Variants in MGMT observed in about 807,000 individuals in gnomAD.
MGMT encodes the protein O-6-methylguanine-DNA methyltransferase.
In MGMT, 14 loss-of-function variants were observed where a neutral mutation model predicts 15.9. The observed-to-expected ratio is 0.88, with a 90% CI of 0.58 to 1.37. The LOEUF (loss-of-function observed/expected upper bound fraction) is 1.37, where lower values mean the gene tolerates loss of function less well. Ranked by LOEUF, MGMT falls within the 40% of genes most tolerant of loss-of-function variation. The pLI is 0.00. For synonymous variants in MGMT, 130 were observed against 118.2 expected (o/e 1.10, Z -0.65); for missense variants, 282 against 268.1 (o/e 1.05, Z -0.36).
At chr10:129,499,485 G>T (rs1264211302) in intron 1 of MGMT, among the ~76,000 whole-genome samples, 2 of 152,174 alleles carry the variant, frequency 1.3e-5, no homozygotes, top group East Asian at 3.9e-4. Flanking sequence ...GTTATGTGAA[G>T]AATAACAATT....
chr10:129,473,797 A>G (rs1242607013), intron 1 of MGMT, among the ~76,000 whole-genome samples: 3 of 152,228 alleles, frequency 2.0e-5, no homozygotes, highest in Non-Finnish European at 4.4e-5. Context: ...GGCTGGGTGC[A>G]GTGAGGACTT....
intron 1 of MGMT, among the ~76,000 whole-genome samples, chr10:129,492,432 C>T (rs1312125290): frequency 6.6e-6 from 1 of 152,206 alleles, no homozygotes; most frequent in Non-Finnish European, 1.5e-5. Flanking sequence ...TTCCTCCCAC[C>T]CCAGTCTCGT....
At chr10:129,656,037 C>T (rs1847521385) in intron 2 of MGMT, among the ~76,000 whole-genome samples, 2 of 152,226 alleles carry the variant, frequency 1.3e-5, no homozygotes, top group South Asian at 4.1e-4. Context: ...CCAAGCTCTT[C>T]ACCGGACAAC....
intron 1 of MGMT, among the ~76,000 whole-genome samples, chr10:129,521,118 T>A (rs1201208938): frequency 3.9e-5 from 6 of 152,174 alleles, no homozygotes; most frequent in Non-Finnish European, 8.8e-5. Context: ...CAGGGCCAGT[T>A]CTGATCTCAG....
At chr10:129,720,507 C>T (rs1335325743) in intron 3 of MGMT, among the ~76,000 whole-genome samples, 4 of 152,218 alleles carry the variant, frequency 2.6e-5, no homozygotes, top group Non-Finnish European at 5.9e-5. Context: ...TTCCTGAGTA[C>T]CAGGAGGCAT....
At chr10:129,750,929 C>A (rs1848744730) in intron 3 of MGMT, among the ~76,000 whole-genome samples, 1 of 151,948 alleles carries the variant, frequency 6.6e-6, no homozygotes, top group Non-Finnish European at 1.5e-5. Flanking sequence ...ATGTCTTGTT[C>A]TTTTTATATA....
At position 129,670,689 on chromosome 10, in the gene MGMT, A is replaced by G. The variant is rs979301774; in HGVS notation, c.126-37206A>G. On this transcript the variant is annotated intron_variant, in intron 2 of 4. Transcript: ENST00000651593. ...GGAAATAAGTACAGATCCTACAGACATTAAAAGATTATGAAGGACATATTA... is the reference window on the plus strand; with the variant it reads ...GGAAATAAGTACAGATCCTACAGACGTTAAAAGATTATGAAGGACATATTA... 2.0e-5 allele frequency among the ~76,000 whole-genome samples: 3 copies of G among 152,210 alleles called. No individual in the cohort carries two copies. The South Asian group carries it at 6.2e-4, about 31-fold the overall frequency.
intron 3 of MGMT, among the ~76,000 whole-genome samples, chr10:129,754,154 TC>T (rs57243954): frequency 0.033 from 5,068 of 152,226 alleles, 293 homozygotes; most frequent in African/African-American, 0.12. Context: ...AGTAGACAGC[TC>T]ACCCGAACAG....
intron 2 of MGMT, among the ~76,000 whole-genome samples, chr10:129,685,446 C>G (rs930054571): frequency 6.6e-6 from 1 of 152,160 alleles, no homozygotes; most frequent in Non-Finnish European, 1.5e-5. Context: ...TTAACGTCTC[C>G]GCTGAGCCTG....
At chr10:129,565,922 A>G (rs149493731) in intron 2 of MGMT, among the ~76,000 whole-genome samples, 2 of 152,048 alleles carry the variant, frequency 1.3e-5, no homozygotes, top group Non-Finnish European at 1.5e-5. Flanking sequence ...GAGCGTCTTT[A>G]GAGTGACCAC....
chr10:129,682,169 T>A (rs747229051), intron 2 of MGMT, among the ~76,000 whole-genome samples: 1 of 152,098 alleles, frequency 6.6e-6, no homozygotes, highest in Admixed American at 6.5e-5. Context: ...GGAAAACTTA[T>A]GTCCACACAA....
At chr10:129,622,671 G>C (rs192632389) in intron 2 of MGMT, among the ~76,000 whole-genome samples, 1 of 152,196 alleles carries the variant, frequency 6.6e-6, no homozygotes, top group Admixed American at 6.5e-5. Flanking sequence ...TTTATGTTTT[G>C]TGTATATGTG....
chr10:129,612,654 C>A (rs1846975331), intron 2 of MGMT, among the ~76,000 whole-genome samples: 1 of 152,188 alleles, frequency 6.6e-6, no homozygotes, highest in Non-Finnish European at 1.5e-5. Flanking sequence ...CTGTGCTCCT[C>A]CTAAAGCCTA....
At chr10:129,504,846 C>T (rs563368980) in intron 1 of MGMT, among the ~76,000 whole-genome samples, 1 of 152,252 alleles carries the variant, frequency 6.6e-6, no homozygotes, top group Admixed American at 6.5e-5. Context: ...GCTGAGAGTC[C>T]TTGGCAATTG....
chr10:129,535,216 G>T (rs913784386), intron 1 of MGMT, among the ~76,000 whole-genome samples: 1 of 152,060 alleles, frequency 6.6e-6, no homozygotes, highest in Non-Finnish European at 1.5e-5. Context: ...GAGTAGCCAC[G>T]AGCTGCTGTG....
intron 1 of MGMT, among the ~76,000 whole-genome samples, chr10:129,506,237 C>T (rs12247341): frequency 0.069 from 10,421 of 152,012 alleles, 1,198 homozygotes; most frequent in African/African-American, 0.24. Context: ...TCGGTACTGT[C>T]GTGGTTGAGA....
intron 3 of MGMT, among the ~76,000 whole-genome samples, chr10:129,726,813 T>C (rs1848439723): frequency 6.6e-6 from 1 of 152,208 alleles, no homozygotes; most frequent in Non-Finnish European, 1.5e-5. Context: ...TGAATGGGAA[T>C]GTAGTGGTGT....
chr10:129,555,566 T>C (rs542790260), intron 2 of MGMT, among the ~76,000 whole-genome samples: 43 of 149,416 alleles, frequency 2.9e-4, no homozygotes, highest in African/African-American at 1.0e-3. Flanking sequence ...AAAAAAAAAA[T>C]TATCCAGGCC....
At chr10:129,621,920 G>A (rs912622244) in intron 2 of MGMT, among the ~76,000 whole-genome samples, 4 of 152,188 alleles carry the variant, frequency 2.6e-5, no homozygotes, top group African/African-American at 4.8e-5. Flanking sequence ...ATTAAGAGAG[G>A]AAGACAGAAG....
Sources: gnomAD v4.1 joint callset for allele counts (sites outside exome capture counted in the v4.1 genomes callset) on GRCh38, gnomAD v4.1.1 for gene constraint, MANE v1.5 for transcripts, NCBI Gene and HGNC (gene_info 2026-07-23, HGNC 2026-07-21) for gene names.